The following IFT81 variants were observed in gnomAD, a reference collection of about 807,000 sequenced individuals.
IFT81 encodes intraflagellar transport 81, also known as intraflagellar transport protein 81 homolog.
Under a neutral mutation model 102.6 loss-of-function variants are expected in IFT81, and 72 were observed. The observed-to-expected ratio is 0.70, with a 90% confidence interval of 0.58 to 0.85. The LOEUF is 0.85. Among genes scored for constraint, IFT81 ranks in the 40% least tolerant of loss-of-function variants. IFT81 has a pLI of 0.00. For missense variants in IFT81, 723 were observed against 787.3 expected (o/e 0.92, Z 0.98); for synonymous variants, 237 against 242.7 (o/e 0.98, Z 0.22).
rs534100233 is a variant in IFT81 at position 110,172,418 on chromosome 12, G to A, written c.1189-8004G>A. On this transcript the variant is annotated intron_variant, in intron 11 of 18. Coordinates refer to ENST00000242591, the MANE Select transcript of IFT81 (RefSeq NM_014055.4). Reference sequence around the variant, plus strand: ...GGTCTCCCTCTCCCTCTCTTTCCACGGTCTCCCTCTGATGCCGAGCTGAAG... The same window carrying A: ...GGTCTCCCTCTCCCTCTCTTTCCACAGTCTCCCTCTGATGCCGAGCTGAAG... Among the ~76,000 whole-genome samples, 514 of 151,872 alleles carry A rather than the reference G, an allele frequency of 3.4e-3. 2 individuals are homozygous for A. The highest frequency in any genetic ancestry group is 0.012 in the African/African-American group (485 of 41,422).
At chr12:110,135,535 G>A (rs12300649) in intron 7 of IFT81, 98 bp downstream of exon 7, 7 of 699,422 alleles carry the variant, frequency 1.0e-5, no homozygotes, top group South Asian at 9.5e-5. Context: ...AGACGTTCAC[G>A]TTCCTTTTGC....
intron 11 of IFT81, among the ~76,000 whole-genome samples, chr12:110,176,406 G>A (rs1233048471): frequency 6.6e-6 from 1 of 152,176 alleles, no homozygotes; most frequent in Non-Finnish European, 1.5e-5. Flanking sequence ...GAAAAGGAGG[G>A]CAATTTTTAC....
At chr12:110,201,185 C>G (rs1297388544) in intron 14 of IFT81, among the ~76,000 whole-genome samples, 2 of 151,884 alleles carry the variant, frequency 1.3e-5, no homozygotes, top group African/African-American at 4.8e-5. Flanking sequence ...AGCAGATCAC[C>G]TGAAGTCAGG....
At chr12:110,166,049 G>T (rs1467553915) in intron 11 of IFT81, among the ~76,000 whole-genome samples, 2 of 152,148 alleles carry the variant, frequency 1.3e-5, no homozygotes, top group Non-Finnish European at 2.9e-5. Flanking sequence ...GATGACCTTG[G>T]ACGAGTTCCT....
At chr12:110,191,368 A>C (rs760174528) in intron 13 of IFT81, among the ~76,000 whole-genome samples, 4 of 151,736 alleles carry the variant, frequency 2.6e-5, no homozygotes, top group Non-Finnish European at 4.4e-5. Flanking sequence ...ACAGGGTTTC[A>C]CCATGTTGGG....
At position 110,205,617 on chromosome 12, in the gene IFT81, G is replaced by T. The variant is rs757736289; in HGVS notation, c.1739G>T (p.Arg580Leu). ...TAGAACCTAGAAGTTCAACTTCGTC[G>T]TGCTACTGATGAGATGAAGGCATAT... ...MIKNLEVQLR[R>L]ATDEMKAYIS... is the part of the protein sequence containing the mutation. Residue 580 changes from arginine to leucine, a missense_variant, in exon 17 of 19, where the codon CGT becomes CTT. Arg to Leu is a moderately radical substitution (Grantham distance 102). Transcript: ENST00000242591. 3 of 1,603,068 alleles carry T rather than the reference G, an allele frequency of 1.9e-6. No individual in the cohort carries two copies. The highest frequency in any genetic ancestry group is 2.7e-5 in the African/African-American group (2 of 74,494).
intron 10 of IFT81, among the ~76,000 whole-genome samples, chr12:110,160,659 A>G (rs1413010069): frequency 1.3e-5 from 2 of 152,204 alleles, no homozygotes. Context: ...TTTACCAGCC[A>G]CCTAGGCATC....
Position 110,128,907 on chromosome 12 carries a change from C to T in IFT81, c.249-43C>T, listed in dbSNP as rs758337058. The T allele has an allele frequency of 5.4e-6, 8 of 1,475,462 alleles. No individual in the cohort carries two copies. In the Admixed American group the frequency reaches 9.6e-5, roughly 18 times the overall value. 91.4% of individuals were successfully genotyped at this position (1,475,462 alleles called of 1,614,324 possible). ...AATGCTGTCTCTCTTCAAAGTTTAC[C>T]GTTAAGTGCGTGTGTGTTTGTGTAT... On this transcript the variant is annotated intron_variant, in intron 3 of 18. Transcript: ENST00000242591.
At chr12:110,159,399 G>T (rs1358938314) in intron 10 of IFT81, among the ~76,000 whole-genome samples, 1 of 152,186 alleles carries the variant, frequency 6.6e-6, no homozygotes, top group Admixed American at 6.5e-5. Context: ...GGTGGAGGTT[G>T]CAGTGAGCCA....
At position 110,218,058 on chromosome 12, in the gene IFT81, A is replaced by C. The variant is rs1165376298; in HGVS notation, c.1863A>C (p.Lys621Asn). The change falls in exon 19 of 19, where the codon AAA becomes AAC. Residue 621 changes from lysine to asparagine, a missense_variant. By Grantham distance (94) the Lys-to-Asn change is moderately conservative. Transcript: ENST00000242591. ...QENLGKKLREKQKVIRESHGP... is the reference protein window; with the variant it reads ...QENLGKKLRENQKVIRESHGP... ...TTTAATGATAGAAACTTCGGGAAAAACAAAAAGTTATACGAGAAAGTCATG... is the reference window on the plus strand; with the variant it reads ...TTTAATGATAGAAACTTCGGGAAAACCAAAAAGTTATACGAGAAAGTCATG... 6.3e-7 allele frequency: 1 copy of C among 1,598,438 alleles called. No homozygotes were observed.
chr12:110,127,371 A>G lies in IFT81; in HGVS notation c.-10A>G. 1.3e-6 allele frequency: 2 copies of G among 1,525,596 alleles called. No individual in the cohort carries two copies. The highest frequency in any genetic ancestry group is 1.7e-6 in the Non-Finnish European group (2 of 1,143,698). 94.5% of individuals were successfully genotyped at this position (1,525,596 alleles called of 1,614,324 possible). Reference sequence around the variant, plus strand: ...TTTTTACTCTTTAGTTAAAATTATAAGACCTAATTATGAGTGATCAAATTA... The same window carrying G: ...TTTTTACTCTTTAGTTAAAATTATAGGACCTAATTATGAGTGATCAAATTA... On this transcript the variant is annotated 5_prime_UTR_variant, in exon 2 of 19. The change abolishes the stop of an existing upstream ORF in the 5' untranslated region. Coordinates refer to ENST00000242591, the MANE Select transcript of IFT81 (RefSeq NM_014055.4).
chr12:110,166,159 C>T (rs1381354610), intron 11 of IFT81, among the ~76,000 whole-genome samples: 1 of 152,182 alleles, frequency 6.6e-6, no homozygotes, highest in Non-Finnish European at 1.5e-5. Context: ...CAGCACTAGG[C>T]ACATAGTAAA....
rs144737416 is a variant in IFT81 at position 110,181,935 on chromosome 12, G to A, written c.1338+1364G>A. On this transcript the variant is annotated intron_variant, in intron 12 of 18. Coordinates refer to ENST00000242591, the MANE Select transcript of IFT81 (RefSeq NM_014055.4). ...AAAGGACATGGTCTCAACTGGAGCT[G>A]GCTTCATTCTGATCCCATGATCAAC... Among the ~76,000 whole-genome samples the A allele has an allele frequency of 1.2e-3, 181 of 152,234 alleles. 1 individual carries two copies. Among genetic ancestry groups the A allele is most frequent in the African/African-American group, 4.3e-3 (179 of 41,536 alleles).
rs34207126 is a variant in IFT81, at chr12:110,179,773, T to TACACACACACACACAC, written c.1189-631_1189-616dup. 3.0e-3 allele frequency among the ~76,000 whole-genome samples: 149 copies of TACACACACACACACAC among 50,400 alleles called. 2 individuals are homozygous for TACACACACACACACAC. The highest frequency in any genetic ancestry group is 0.016 in the East Asian group (9 of 566). The allele number at this position is 50,400 out of a possible 152,430, so 33.1% of individuals were successfully genotyped here. ...ATATATATATATATATATATATATA[T>TACACACACACACACAC]ACACACACACACACACACACACACA... On this transcript the variant is annotated intron_variant, in intron 11 of 18. Coordinates refer to ENST00000242591, the MANE Select transcript of IFT81 (RefSeq NM_014055.4).
Position 110,162,999 on chromosome 12 carries a change from A to C in IFT81, c.1122A>C (p.Arg374Ser), listed in dbSNP as rs905587040. The C allele has an allele frequency of 1.9e-6, 3 of 1,614,008 alleles. No homozygotes were observed. The highest frequency in any genetic ancestry group is 1.7e-6 in the Non-Finnish European group (2 of 1,179,912). ...AGGAGAAGTTAGCCAGCCTAGAGAGAGAAGCATCAGTAAAGAGAAATCAGA... is the reference window on the plus strand; with the variant it reads ...AGGAGAAGTTAGCCAGCCTAGAGAGCGAAGCATCAGTAAAGAGAAATCAGA... ...EAKEKLASLE[R>S]EASVKRNQTR... The change falls in exon 11 of 19, where the codon AGA becomes AGC. Residue 374 changes from arginine (R) to serine (S), a missense_variant. Arg to Ser is a moderately radical substitution (Grantham distance 110). Transcript: ENST00000242591.
intron 11 of IFT81, among the ~76,000 whole-genome samples, chr12:110,177,237 G>A (rs183450364): frequency 2.6e-5 from 4 of 152,202 alleles, no homozygotes; most frequent in Admixed American, 2.0e-4. Context: ...CTAAAACACA[G>A]TGTGTTCCTC....
In IFT81 at chr12:110,209,049, A is replaced by G. The variant is rs1869062896; in HGVS notation, c.1803-122A>G. 23 of 438,026 alleles carry G rather than the reference A, an allele frequency of 5.3e-5. No individual in the cohort carries two copies. The East Asian group carries it at 8.2e-4, about 16-fold the overall frequency. 27.1% of individuals were successfully genotyped at this position (438,026 alleles called of 1,614,324 possible). A position where few individuals can be genotyped will look rare whatever the true frequency, so the allele number is the denominator to read the frequency against. On this transcript the variant is annotated intron_variant, in intron 17 of 18. Transcript: ENST00000242591. ...GAATTTTATAATGGGTTTCATTCTG[A>G]CTCCAGTACCCTAAACTATATTGCC... is the stretch of plus-strand genomic sequence containing the variant.
At chr12:110,138,069 G>A (rs535332569) in intron 8 of IFT81, among the ~76,000 whole-genome samples, 1 of 152,270 alleles carries the variant, frequency 6.6e-6, no homozygotes, top group Non-Finnish European at 1.5e-5. Flanking sequence ...AAGAGCAGTG[G>A]AAAGCTCTCA....
chr12:110,128,755 C>T (rs1475192086), intron 3 of IFT81, among the ~76,000 whole-genome samples, 195 bp from the exon 4 acceptor site: 1 of 116,602 alleles, frequency 8.6e-6, no homozygotes, highest in African/African-American at 3.4e-5. Context: ...GCGTTGTGCT[C>T]AAGCCTGGGC....
Sources: gnomAD v4.1 joint callset for allele counts (sites outside exome capture counted in the v4.1 genomes callset) on GRCh38, gnomAD v4.1.1 for gene constraint, MANE v1.5 for transcripts, NCBI Gene and HGNC (gene_info 2026-07-23, HGNC 2026-07-21) for gene names.